The following TAFA5 variants were observed in gnomAD, a reference collection of about 807,000 sequenced individuals.
TAFA5 encodes TAFA chemokine like family member 5.
Under a neutral mutation model 15.3 loss-of-function variants are expected in TAFA5, and 6 were observed. The ratio of observed to expected loss-of-function variants is 0.39; its 90% confidence interval spans 0.21 to 0.77. The LOEUF (loss-of-function observed/expected upper bound fraction) is 0.77, where lower values mean the gene tolerates loss of function less well. TAFA5 is among the 30% of genes least tolerant of loss of function. The pLI, the probability that TAFA5 is intolerant of heterozygous loss-of-function variation, is 0.41. For missense variants in TAFA5, 161 were observed against 193.1 expected (o/e 0.83, Z 0.98); for synonymous variants, 103 against 80.7 (o/e 1.28, Z -1.48).
At chr22:48,698,072 GTGATGGTGA>G (rs1928780007) in intron 2 of TAFA5, among the ~76,000 whole-genome samples, 2 of 150,892 alleles carry the variant, frequency 1.3e-5, no homozygotes, top group Admixed American at 6.6e-5. Context: ...CATAATGATG[GTGATGGTGA>G]TGGTGGTGAT....
intron 1 of TAFA5, among the ~76,000 whole-genome samples, chr22:48,636,612 G>C (rs1467504523): frequency 6.6e-6 from 1 of 152,046 alleles, no homozygotes; most frequent in Non-Finnish European, 1.5e-5. Context: ...GTGGAGGTGA[G>C]GCCTTCTGTT....
At chr22:48,705,196 C>T (rs896192938) in intron 2 of TAFA5, among the ~76,000 whole-genome samples, 4 of 152,068 alleles carry the variant, frequency 2.6e-5, no homozygotes, top group Non-Finnish European at 5.9e-5. Flanking sequence ...TAGCCATGCC[C>T]GGCTGGTGGA....
chr22:48,560,097 G>T lies in TAFA5; in HGVS notation c.112+70393G>T, dbSNP rs1923177436. Among the ~76,000 whole-genome samples, 1 of 152,232 alleles carries T rather than the reference G, an allele frequency of 6.6e-6. No homozygotes were observed. Among genetic ancestry groups the T allele is most frequent in the Admixed American group, 6.5e-5 (1 of 15,292 alleles). On this transcript the variant is annotated intron_variant, in intron 1 of 3. Transcript: ENST00000402357. The surrounding 1 kb of genome is among the most constrained non-coding windows in gnomAD (Gnocchi z 4.2). ...TGGCCACCGATGCCTTCGCAGCATA[G>T]GATTTGGGGACCTCCACGTGCCGTC...
rs1027851836 is a variant in TAFA5 at position 48,560,182 on chromosome 22, T to C, written c.112+70478T>C. On this transcript the variant is annotated intron_variant, in intron 1 of 3. Transcript: ENST00000402357. This position sits in a 1 kb window ranked among gnomAD's most constrained non-coding sequence, Gnocchi z 4.2. ...GTCACTGCTCTCAGCAGGGGACCGT[T>C]TCTCTAACGGGAGCCTGTCAGTTTC... Among the ~76,000 whole-genome samples the C allele has an allele frequency of 2.6e-5, 4 of 152,162 alleles. No homozygotes were observed. The highest frequency in any genetic ancestry group is 5.9e-5 in the Non-Finnish European group (4 of 68,022).
intron 2 of TAFA5, among the ~76,000 whole-genome samples, chr22:48,652,834 A>C (rs2337487): frequency 0.79 from 120,754 of 152,142 alleles, 48,145 homozygotes; most frequent in East Asian, 0.98. Context: ...GGGCATGGAC[A>C]TGTCGGCTTC....
intron 2 of TAFA5, among the ~76,000 whole-genome samples, chr22:48,648,383 G>A (rs1475205227): frequency 6.6e-5 from 10 of 152,186 alleles, no homozygotes; most frequent in Admixed American, 5.9e-4. Flanking sequence ...GCCTGACGTG[G>A]GCAGCCTTGC....
intron 2 of TAFA5, among the ~76,000 whole-genome samples, chr22:48,698,934 CTTT>C (rs745562520): frequency 2.1e-5 from 2 of 94,710 alleles, no homozygotes; most frequent in Non-Finnish European, 4.1e-5. Context: ...TGTGGCAATG[CTTT>C]TTTTTTTTTT....
At chr22:48,547,070 A>C (rs1172633298) in intron 1 of TAFA5, 1 of 153,008 alleles carries the variant, frequency 6.5e-6, no homozygotes, top group African/African-American at 2.4e-5. Context: ...GTTTCCCCCC[A>C]GCTCCCAAGA....
chr22:48,663,022 C>T (rs894649317), intron 2 of TAFA5, among the ~76,000 whole-genome samples: 3 of 152,158 alleles, frequency 2.0e-5, no homozygotes, highest in Non-Finnish European at 4.4e-5. Flanking sequence ...CTGATGGGAG[C>T]GGGAGCTGCA....
At chr22:48,600,957 C>T (rs1225632155) in intron 1 of TAFA5, among the ~76,000 whole-genome samples, 3 of 152,174 alleles carry the variant, frequency 2.0e-5, no homozygotes, top group Non-Finnish European at 2.9e-5. Context: ...TCCCTCTCCG[C>T]GGTCACGGTG....
intron 1 of TAFA5, among the ~76,000 whole-genome samples, chr22:48,599,136 C>T (rs1924872326): frequency 6.6e-6 from 1 of 152,164 alleles, no homozygotes. Context: ...TTTGATGTTT[C>T]CTTGGGTACA....
chr22:48,670,721 T>G (rs1451281384), intron 2 of TAFA5, among the ~76,000 whole-genome samples: 1 of 152,176 alleles, frequency 6.6e-6, no homozygotes, highest in Non-Finnish European at 1.5e-5. Context: ...TGTAGGAAAA[T>G]GCTGGGTTGA....
chr22:48,517,009 G>C (rs1921430966), intron 1 of TAFA5, among the ~76,000 whole-genome samples: 1 of 152,176 alleles, frequency 6.6e-6, no homozygotes, highest in Admixed American at 6.5e-5. Flanking sequence ...GCATTCTGCT[G>C]GCATCTAGTG....
At chr22:48,546,488 G>A (rs1409905340) in intron 1 of TAFA5, 1 of 470,970 alleles carries the variant, frequency 2.1e-6, no homozygotes, top group Non-Finnish European at 4.4e-6. Context: ...CAAACGGGGT[G>A]TGTGGACGCC....
At chr22:48,712,920 G>A (rs1929296670) in intron 3 of TAFA5, among the ~76,000 whole-genome samples, 2 of 152,226 alleles carry the variant, frequency 1.3e-5, no homozygotes, top group South Asian at 4.1e-4. Context: ...CACACAAGCA[G>A]GTCTTCTCTC....
At chr22:48,633,966 G>T (rs983200314) in intron 1 of TAFA5, among the ~76,000 whole-genome samples, 5 of 152,142 alleles carry the variant, frequency 3.3e-5, no homozygotes, top group Admixed American at 2.6e-4. Flanking sequence ...ACGCTTTCCA[G>T]GGGGCAGCTT....
intron 3 of TAFA5, among the ~76,000 whole-genome samples, chr22:48,725,810 T>C (rs994342601): frequency 6.6e-6 from 1 of 150,546 alleles, no homozygotes; most frequent in Non-Finnish European, 1.5e-5. Context: ...AATATCTAAC[T>C]GAAGAGTCGT....
intron 1 of TAFA5, among the ~76,000 whole-genome samples, chr22:48,645,903 A>T (rs1036623743): frequency 6.6e-6 from 1 of 152,164 alleles, no homozygotes; most frequent in African/African-American, 2.4e-5. Context: ...TTGCGTGCAC[A>T]TCTGTGCCTT....
intron 1 of TAFA5, among the ~76,000 whole-genome samples, chr22:48,495,189 C>T (rs1928283860): frequency 6.6e-6 from 1 of 152,218 alleles, no homozygotes; most frequent in Non-Finnish European, 1.5e-5. Flanking sequence ...TCCAGCACTG[C>T]TCGAAGGAGG....
Sources: allele counts gnomAD v4.1 joint callset (sites outside exome capture counted in the v4.1 genomes callset), GRCh38; gene constraint gnomAD v4.1.1; non-coding constraint Gnocchi (gnomAD v3.1); transcripts MANE v1.5; gene names NCBI Gene and HGNC (gene_info 2026-07-23, HGNC 2026-07-21).